The following TMEM179 variants were observed in gnomAD, a reference collection of about 807,000 sequenced individuals.
TMEM179 encodes transmembrane protein 179.
Under a neutral mutation model 22.2 loss-of-function variants are expected in TMEM179, and 17 were observed. That is an observed-to-expected ratio of 0.77 (90% CI 0.52 to 1.15). The LOEUF (loss-of-function observed/expected upper bound fraction) is 1.15, where lower values mean the gene tolerates loss of function less well. Ranked by LOEUF, TMEM179 falls within the 50% of genes most tolerant of loss-of-function variation. The probability of loss-of-function intolerance (pLI) is 0.00; values close to 1 mark genes in which losing one functional copy is unlikely to be tolerated. For synonymous variants in TMEM179, 127 were observed against 140.5 expected (o/e 0.90, Z 0.68); for missense variants, 265 against 313.6 (o/e 0.84, Z 1.17).
chr14:104,593,642 G>A lies in TMEM179; in HGVS notation c.539C>T (p.Ser180Leu), dbSNP rs1886915236. 2 of 1,479,656 alleles carry A rather than the reference G, an allele frequency of 1.4e-6. No homozygotes were observed. Among genetic ancestry groups the A allele is most frequent in the Non-Finnish European group, 9.0e-7 (1 of 1,115,762 alleles). The allele number at this position is 1,479,656 out of a possible 1,614,324, so 91.7% of individuals were successfully genotyped here. The change falls in exon 4 of 4, where the codon TCA (serine) becomes TTA (leucine). Residue 180 changes from serine (S) to leucine (L), a missense_variant. By Grantham distance (145) the Ser-to-Leu change is moderately radical (BLOSUM62 -2). Coordinates refer to ENST00000556573, the MANE Select transcript of TMEM179 (RefSeq NM_001286389.2). Reference protein sequence around the residue: ...FAIAQFGLWASWLAWLAITTL... With the variant: ...FAIAQFGLWALWLAWLAITTL... ...GGTGATGGCCAGCCAGGCCAGCCAT[G>A]AGGCCCAGAGGCCAAACTGCACAGA...
intron 3 of TMEM179, chr14:104,594,577 C>G (rs766160931): frequency 4.1e-6 from 5 of 1,230,584 alleles, no homozygotes; most frequent in Non-Finnish European, 5.1e-6. Context: ...TCCCCACATG[C>G]CTGCATTTCA....
chr14:104,594,885 C>G, intron 3 of TMEM179: 1 of 1,267,676 alleles, frequency 7.9e-7, no homozygotes, highest in African/African-American at 1.5e-5. Context: ...TCCCCCCACA[C>G]CCCCACACTT....
Position 104,604,291 on chromosome 14 carries a change from T to G in TMEM179, c.305+146A>C. On this transcript the variant is annotated intron_variant, in intron 1 of 3. Transcript: ENST00000556573. This position sits in a 1 kb window ranked among gnomAD's most constrained non-coding sequence, Gnocchi z 4.6. ...GTGTGTAGACAAAGGGCGGTCTGAG[T>G]GGAGGGGGTGAGGGCGGATTGTTGA... 1 of 860,644 alleles carries G rather than the reference T, an allele frequency of 1.2e-6. No individual in the cohort carries two copies. The highest frequency in any genetic ancestry group is 1.7e-6 in the Non-Finnish European group (1 of 598,142). 53.3% of individuals were successfully genotyped at this position (860,644 alleles called of 1,614,324 possible).
chr14:104,601,036 C>T (rs7146030), intron 1 of TMEM179, among the ~76,000 whole-genome samples: 71,625 of 152,154 alleles, frequency 0.47, 20,122 homozygotes, highest in Non-Finnish European at 0.63. Context: ...GCCCTGAGAG[C>T]CCTTGTCCAC....
At chr14:104,599,128 G>A (rs1887152803) in intron 1 of TMEM179, among the ~76,000 whole-genome samples, 2 of 152,322 alleles carry the variant, frequency 1.3e-5, no homozygotes, top group African/African-American at 2.4e-5. Flanking sequence ...CCAGTGTGCT[G>A]TGAGTCTCAG....
chr14:104,598,817 A>C (rs1887136872), intron 1 of TMEM179, among the ~76,000 whole-genome samples: 1 of 152,142 alleles, frequency 6.6e-6, no homozygotes, highest in African/African-American at 2.4e-5. Context: ...GGTTTGAGCC[A>C]CCCCAGGGAG....
Position 104,595,001 on chromosome 14 carries a change from G to A in TMEM179, c.522+164C>T, listed in dbSNP as rs1886969840. 4 of 1,485,426 alleles carry A rather than the reference G, an allele frequency of 2.7e-6. No homozygotes were observed. The East Asian group carries it at 9.8e-5, about 36-fold the overall frequency. 92.0% of individuals were successfully genotyped at this position (1,485,426 alleles called of 1,614,324 possible). A position where few individuals can be genotyped will look rare whatever the true frequency, so the allele number is the denominator to read the frequency against. On this transcript the variant is annotated intron_variant, in intron 3 of 3. Transcript: ENST00000556573. This position sits in a 1 kb window ranked among gnomAD's most constrained non-coding sequence, Gnocchi z 5.7. The stretch of plus-strand genomic sequence containing the variant: ...GCCCAGCTCTCCCCCACCTCCTGCA[G>A]GAAGCCTTCCCGACTGCTCCCACTG...
rs1887051454 is a variant in TMEM179 at position 104,597,055 on chromosome 14, G to A, written c.378C>T (p.Thr126=). 6.2e-7 allele frequency: 1 copy of A among 1,610,036 alleles called. No homozygotes were observed. Among genetic ancestry groups the A allele is most frequent in the Admixed American group, 1.7e-5 (1 of 59,682 alleles). The change falls in exon 2 of 4, where the codon ACC becomes ACT. Residue 126 remains threonine (T), a synonymous_variant. Transcript: ENST00000556573. This position sits in a 1 kb window ranked among gnomAD's most constrained non-coding sequence, Gnocchi z 4.8. ...ACATGGTGAAGCCCACGCTCACGAT[G>A]GTGCTGGCAATGAAGACCAGGAAGA... ...FVVFLVFIAS[T]IVSVGFTMWC... is the part of the protein sequence containing the mutation.
chr14:104,599,714 C>A (rs1457554575), intron 1 of TMEM179, among the ~76,000 whole-genome samples: 1 of 152,208 alleles, frequency 6.6e-6, no homozygotes, highest in East Asian at 1.9e-4. Flanking sequence ...AGGGTCAGCT[C>A]CACAGCCAGA....
At chr14:104,594,069 T>C in intron 3 of TMEM179, 1 of 1,232,626 alleles carries the variant, frequency 8.1e-7, no homozygotes, top group Non-Finnish European at 1.0e-6. Flanking sequence ...TAAATTGACC[T>C]TTAGCCGCTG....
intron 1 of TMEM179, among the ~76,000 whole-genome samples, chr14:104,601,070 C>T (rs531073812): frequency 2.0e-5 from 3 of 152,330 alleles, no homozygotes; most frequent in South Asian, 2.1e-4. Flanking sequence ...TGTAAAGGCC[C>T]GTCTCAGCTC....
chr14:104,603,237 T>C (rs74435997), intron 1 of TMEM179, among the ~76,000 whole-genome samples: 1,649 of 152,222 alleles, frequency 0.011, 26 homozygotes, highest in African/African-American at 0.035. Flanking sequence ...CTCTGGCCCC[T>C]CTCTCAGCCA....
Position 104,595,056 on chromosome 14 carries a change from C to T in TMEM179, c.522+109G>A, listed in dbSNP as rs528457394. On this transcript the variant is annotated intron_variant, in intron 3 of 3. Coordinates refer to ENST00000556573, the MANE Select transcript of TMEM179 (RefSeq NM_001286389.2). The surrounding 1 kb of genome is among the most constrained non-coding windows in gnomAD (Gnocchi z 5.7). ...GTCCCATTGCTAACTACCTTATCCA[C>T]ACAGGAGCCTGCCTCCTCCTCTGGA... The T allele has an allele frequency of 6.3e-7, 1 of 1,576,758 alleles. No homozygotes were observed. Among genetic ancestry groups the T allele is most frequent in the Admixed American group, 1.8e-5 (1 of 56,906 alleles).
chr14:104,599,772 G>C (rs112356118), intron 1 of TMEM179, among the ~76,000 whole-genome samples: 2,374 of 152,246 alleles, frequency 0.016, 26 homozygotes, highest in Non-Finnish European at 0.025. Context: ...AGCCTCCAGA[G>C]AGAGAATGGA....
Position 104,604,381 on chromosome 14 carries a change from T to C in TMEM179, c.305+56A>G. ...TCGCGCGCCTCCCCGGGGAGGTGGG[T>C]CTGGGGGCGCTGGGGGCATGGAAGG... is the stretch of plus-strand genomic sequence containing the variant. On this transcript the variant is annotated intron_variant, in intron 1 of 3. Transcript: ENST00000556573. The surrounding 1 kb of genome is among the most constrained non-coding windows in gnomAD (Gnocchi z 4.6). 2.1e-6 allele frequency: 3 copies of C among 1,427,294 alleles called. No individual in the cohort carries two copies. The highest frequency in any genetic ancestry group is 1.8e-6 in the Non-Finnish European group (2 of 1,096,242). The allele number at this position is 1,427,294 out of a possible 1,614,324, so 88.4% of individuals were successfully genotyped here. A position where few individuals can be genotyped will look rare whatever the true frequency, so the allele number is the denominator to read the frequency against.
intron 1 of TMEM179, among the ~76,000 whole-genome samples, chr14:104,600,125 G>T (rs1566745446): frequency 6.6e-6 from 1 of 152,170 alleles, no homozygotes; most frequent in Admixed American, 6.5e-5. Flanking sequence ...ATTCCTTTCT[G>T]GTCGGTTTCC....
In TMEM179 at chr14:104,593,154, G is replaced by A. The variant is rs1215412075; in HGVS notation, c.*325C>T. 5 of 404,624 alleles carry A rather than the reference G, an allele frequency of 1.2e-5. No individual in the cohort carries two copies. Among genetic ancestry groups the A allele is most frequent in the South Asian group, 7.8e-5 (2 of 25,536 alleles). 25.1% of individuals were successfully genotyped at this position (404,624 alleles called of 1,614,324 possible). A position where few individuals can be genotyped will look rare whatever the true frequency, so the allele number is the denominator to read the frequency against. On this transcript the variant is annotated 3_prime_UTR_variant, in exon 4 of 4. Coordinates refer to ENST00000556573, the MANE Select transcript of TMEM179 (RefSeq NM_001286389.2). ...CAGGGTTGGGGGAGACAAGCTGGAC[G>A]CCCTCCACATAGGCTGGCCAGTCAG...
Position 104,593,395 on chromosome 14 carries a change from GC to G in TMEM179, c.*83del. On this transcript the variant is annotated 3_prime_UTR_variant, in exon 4 of 4. Coordinates refer to ENST00000556573, the MANE Select transcript of TMEM179 (RefSeq NM_001286389.2). ...TGCATGTGGCCAGGGCCCAGGCAGAGCCCCCCAGCTGCTTCCCCAGGCAGGC... is the reference window on the plus strand; with the variant it reads ...TGCATGTGGCCAGGGCCCAGGCAGAGCCCCCAGCTGCTTCCCCAGGCAGGC... The G allele has an allele frequency of 2.0e-6, 3 of 1,493,444 alleles. No homozygotes were observed. The highest frequency in any genetic ancestry group is 2.7e-6 in the Non-Finnish European group (3 of 1,113,200). 92.5% of individuals were successfully genotyped at this position (1,493,444 alleles called of 1,614,324 possible).
chr14:104,590,968 G>A lies in TMEM179; in HGVS notation c.*2511C>T, dbSNP rs1886826790. 1 of 177,438 alleles carries A rather than the reference G, an allele frequency of 5.6e-6. No individual in the cohort carries two copies. The highest frequency in any genetic ancestry group is 1.8e-4 in the East Asian group (1 of 5,554). The allele number at this position is 177,438 out of a possible 1,614,324, so 11.0% of individuals were successfully genotyped here. ...AGCGAAGGCGTCTCAGAAGCAACTT[G>A]GTGGACCAGCCTCAGGAACCCCGGG... is the stretch of plus-strand genomic sequence containing the variant. On this transcript the variant is annotated 3_prime_UTR_variant, in exon 4 of 4. Transcript: ENST00000556573.
Sources: allele counts gnomAD v4.1 joint callset (sites outside exome capture counted in the v4.1 genomes callset), GRCh38; gene constraint gnomAD v4.1.1; non-coding constraint Gnocchi (gnomAD v3.1); transcripts MANE v1.5; gene names NCBI Gene and HGNC (gene_info 2026-07-23, HGNC 2026-07-21).